SLC4A5: variants seen among roughly 807,000 people sequenced by gnomAD.
SLC4A5 encodes the protein electrogenic sodium bicarbonate cotransporter 4.
SLC4A5 carries 96 observed loss-of-function variants against 120.4 expected under a neutral mutation model. The ratio of observed to expected loss-of-function variants is 0.80; its 90% CI spans 0.68 to 0.94. SLC4A5 has a LOEUF of 0.94. SLC4A5 is among the 40% of genes least tolerant of loss of function. The probability of loss-of-function intolerance (pLI) is 0.00; values close to 1 mark genes in which losing one functional copy is unlikely to be tolerated. For synonymous variants in SLC4A5, 550 were observed against 571.1 expected (o/e 0.96, Z 0.53); for missense variants, 1,259 against 1,459.5 (o/e 0.86, Z 2.24).
chr2:74,324,970 G>A (rs574227460), intron 5 of SLC4A5, among the ~76,000 whole-genome samples: 34 of 152,312 alleles, frequency 2.2e-4, no homozygotes, highest in Non-Finnish European at 8.8e-5. Flanking sequence ...AAGCATTCAA[G>A]AAAAGTAGAG....
At chr2:74,228,545 G>A (rs1694928134) in intron 25 of SLC4A5, among the ~76,000 whole-genome samples, 2 of 152,108 alleles carry the variant, frequency 1.3e-5, no homozygotes, top group South Asian at 2.1e-4. Context: ...CAGAAGAATC[G>A]CTTGAATCCG....
intron 20 of SLC4A5, 21 bp from the exon 21 acceptor site, chr2:74,239,556 G>C (rs558207086): frequency 4.3e-6 from 7 of 1,612,228 alleles, no homozygotes; most frequent in Non-Finnish European, 5.1e-6. Context: ...AAGCACAGGA[G>C]AGAATGGGTC....
chr2:74,307,892 G>T, intron 6 of SLC4A5: 1 of 484,806 alleles, frequency 2.1e-6, no homozygotes. Flanking sequence ...CAGAGCCCCC[G>T]GCACCTGCAT....
intron 7 of SLC4A5, among the ~76,000 whole-genome samples, chr2:74,288,673 T>C (rs1016186913): frequency 1.3e-5 from 2 of 152,154 alleles, no homozygotes; most frequent in Non-Finnish European, 2.9e-5. Context: ...CTAGCTCACG[T>C]TATTTGTGGT....
At chr2:74,277,270 C>T (rs1671674623) in intron 8 of SLC4A5, among the ~76,000 whole-genome samples, 1 of 152,196 alleles carries the variant, frequency 6.6e-6, no homozygotes, top group Non-Finnish European at 1.5e-5. Flanking sequence ...CTGCTGCCGG[C>T]CAGGAGCAGT....
At chr2:74,277,705 A>T (rs1488386212) in intron 8 of SLC4A5, among the ~76,000 whole-genome samples, 8 of 146,596 alleles carry the variant, frequency 5.5e-5, no homozygotes, top group Non-Finnish European at 1.2e-4. Context: ...TTTGATTCTA[A>T]GTTGTATAAA....
chr2:74,264,163 C>A (rs1284025068), exon 10 of SLC4A5: 1 of 1,613,956 alleles, frequency 6.2e-7, no homozygotes, highest in South Asian at 1.1e-5. Context: ...TGGAGACTGA[C>A]TTCCCAATGT....
chr2:74,296,831 T>C (rs558388100), intron 7 of SLC4A5, among the ~76,000 whole-genome samples: 22 of 151,278 alleles, frequency 1.5e-4, no homozygotes, highest in Non-Finnish European at 2.4e-4. Context: ...TTTGCTCCCA[T>C]GTTTGAAACG....
At chr2:74,233,965 C>T (rs1670184575) in intron 22 of SLC4A5, among the ~76,000 whole-genome samples, 1 of 152,122 alleles carries the variant, frequency 6.6e-6, no homozygotes, top group African/African-American at 2.4e-5. Context: ...AGTCACCTGT[C>T]TGGGAGCATT....
chr2:74,303,483 G>A (rs1672539569), intron 7 of SLC4A5, among the ~76,000 whole-genome samples: 1 of 152,170 alleles, frequency 6.6e-6, no homozygotes, highest in Non-Finnish European at 1.5e-5. Context: ...TTTGGGATAT[G>A]CTGAGAGTGA....
intron 10 of SLC4A5, among the ~76,000 whole-genome samples, chr2:74,263,434 T>C (rs1671204292): frequency 6.6e-6 from 1 of 152,206 alleles, no homozygotes; most frequent in Non-Finnish European, 1.5e-5. Flanking sequence ...TCAATGTTTT[T>C]AATGTAGCAA....
intron 25 of SLC4A5, among the ~76,000 whole-genome samples, chr2:74,229,881 G>GTT (rs776603381): frequency 1.3e-3 from 178 of 138,952 alleles, no homozygotes; most frequent in South Asian, 9.4e-3. Context: ...TCTGAATGAG[G>GTT]TTTTTTTTTT....
chr2:74,232,436 A>T, intron 24 of SLC4A5, 33 bp downstream of exon 24: 1 of 1,596,414 alleles, frequency 6.3e-7, no homozygotes, highest in Non-Finnish European at 8.5e-7. Context: ...GCCCCTCCCC[A>T]TTGGGTGATC....
At chr2:74,341,793 C>T (rs1166279998) in intron 2 of SLC4A5, among the ~76,000 whole-genome samples, 1 of 152,124 alleles carries the variant, frequency 6.6e-6, no homozygotes, top group East Asian at 1.9e-4. Context: ...ATGAAGTAGG[C>T]ATGGATGGTA....
At chr2:74,323,582 G>GA (rs1168865419) in intron 5 of SLC4A5, among the ~76,000 whole-genome samples, 3 of 151,930 alleles carry the variant, frequency 2.0e-5, no homozygotes, top group Admixed American at 6.5e-5. Context: ...GCCACTCAGG[G>GA]AAAAAATGAA....
At chr2:74,225,057 A>G in intron 27 of SLC4A5, 62 bp from the exon 28 acceptor site, 1 of 1,522,254 alleles carries the variant, frequency 6.6e-7, no homozygotes. Flanking sequence ...CTCAATGCCC[A>G]AACTCAGGCA....
chr2:74,316,305 T>C (rs1672962001), intron 5 of SLC4A5, among the ~76,000 whole-genome samples: 1 of 129,590 alleles, frequency 7.7e-6, no homozygotes, highest in African/African-American at 3.0e-5. Flanking sequence ...AGCTAGGTTA[T>C]GCTACAAAAG....
chr2:74,299,621 C>T (rs775674214), intron 7 of SLC4A5, among the ~76,000 whole-genome samples: 36 of 152,158 alleles, frequency 2.4e-4, no homozygotes, highest in Admixed American at 5.2e-4. Context: ...AAAAAGTGCT[C>T]ACCATCACTA....
chr2:74,248,080 T>C (rs1214085461), intron 18 of SLC4A5, among the ~76,000 whole-genome samples: 1 of 152,200 alleles, frequency 6.6e-6, no homozygotes, highest in Non-Finnish European at 1.5e-5. Flanking sequence ...ATACTGCCTA[T>C]CAAGTCACCA....
Sources: allele counts gnomAD v4.1 joint callset (sites outside exome capture counted in the v4.1 genomes callset), GRCh38; gene constraint gnomAD v4.1.1; transcripts MANE v1.5; gene names NCBI Gene and HGNC (gene_info 2026-07-23, HGNC 2026-07-21).